The following ZNF518B variants were observed in gnomAD, a reference collection of about 807,000 sequenced individuals.
ZNF518B encodes the protein zinc finger protein 518B.
Under a neutral mutation model 56.3 loss-of-function variants are expected in ZNF518B, and 23 were observed. The ratio of observed to expected loss-of-function variants is 0.41; its 90% confidence interval spans 0.29 to 0.58. The LOEUF (loss-of-function observed/expected upper bound fraction) is 0.58. Among genes scored for constraint, ZNF518B ranks in the 20% least tolerant of loss-of-function variants. The pLI is 0.32. For missense variants in ZNF518B, 1,460 were observed against 1,272.1 expected, an observed-to-expected ratio of 1.15 and a Z score of -2.25; for synonymous variants, 529 against 465.9, an observed-to-expected ratio of 1.14 and a Z score of -1.74.
chr4:10,444,928 AT>A lies in ZNF518B; in HGVS notation c.1400del (p.Asn467IlefsTer15), dbSNP rs1268436533. 6.2e-7 allele frequency: 1 copy of A among 1,610,614 alleles called. No homozygotes were observed. Among genetic ancestry groups the A allele is most frequent in the African/African-American group, 1.3e-5 (1 of 74,502 alleles). On this transcript the variant is annotated frameshift_variant, in exon 3 of 3. Transcript: ENST00000326756. LOFTEE classifies it high-confidence loss of function. ...SETIEDFQKKNNLYPHRTAFP... is the reference protein window; with the variant it reads ...SETIEDFQKKXNLYPHRTAFP... ...AAGCAGTTCTATGTGGATACAAATT[AT>A]TTTTTTTCTGAAAATCCTCAATTGT...
rs765927283 is a variant in ZNF518B at position 10,441,916 on chromosome 4, G to A, written c.*1188C>T. On this transcript the variant is annotated 3_prime_UTR_variant, in exon 3 of 3. Transcript: ENST00000326756. ...TTACTATCAATGAAAACTAGGGATC[G>A]TGTTCCTGTAACTTTAGCAAAAACA... 6.6e-6 allele frequency: 1 copy of A among 152,184 alleles called. No individual in the cohort carries two copies. The highest frequency in any genetic ancestry group is 2.1e-4 in the South Asian group (1 of 4,826). 9.4% of individuals were successfully genotyped at this position (152,184 alleles called of 1,614,324 possible). A position where few individuals can be genotyped will look rare whatever the true frequency, so the allele number is the denominator to read the frequency against.
At chr4:10,448,287 TGGCAACACAG>T (rs1216394990) in intron 2 of ZNF518B, among the ~76,000 whole-genome samples, 1 of 152,104 alleles carries the variant, frequency 6.6e-6, no homozygotes, top group African/African-American at 2.4e-5. Flanking sequence ...CAATGATGGG[TGGCAACACAG>T]GTAGCTTCCT....
intron 2 of ZNF518B, 31 bp from the exon 3 acceptor site, chr4:10,446,570 T>G: frequency 2.2e-6 from 1 of 454,760 alleles, no homozygotes; most frequent in East Asian, 3.3e-5. Flanking sequence ...AAAGCATGAT[T>G]AATATAAGAG....
At position 10,444,361 on chromosome 4, in the gene ZNF518B, C is replaced by A; in HGVS notation, c.1968G>T (p.Thr656=). ...VPEGIKWNSS[T]SKIKSIELLR... ...ACAGTTCAATTGACTTTATTTTAGA[C>A]GTTGAGCTATTCCACTTAATGCCCT... is the stretch of plus-strand genomic sequence containing the variant. Residue 656 remains threonine, a synonymous_variant, in exon 3 of 3, where the codon ACG becomes ACT. Transcript: ENST00000326756. The A allele has an allele frequency of 6.2e-7, 1 of 1,614,158 alleles. No homozygotes were observed. Among genetic ancestry groups the A allele is most frequent in the South Asian group, 1.1e-5 (1 of 91,084 alleles).
At chr4:10,454,052 C>T (rs1427333351) in intron 2 of ZNF518B, 2 of 152,246 alleles carry the variant, frequency 1.3e-5, no homozygotes, top group Non-Finnish European at 1.5e-5. Context: ...TTCTCATATG[C>T]AGCTATGCAG....
intron 2 of ZNF518B, chr4:10,453,305 C>G (rs1715400490): frequency 6.6e-6 from 1 of 152,108 alleles, no homozygotes; most frequent in Non-Finnish European, 1.5e-5. Flanking sequence ...GAAGCAGACA[C>G]TGGTTAGCTT....
rs764383680 is a variant in ZNF518B, at chr4:10,444,051, C to G, written c.2278G>C (p.Val760Leu). The G allele has an allele frequency of 2.5e-6, 4 of 1,614,228 alleles. No individual in the cohort carries two copies. Among genetic ancestry groups the G allele is most frequent in the Non-Finnish European group, 3.4e-6 (4 of 1,180,040 alleles). ...GTGGCAACATGAGCCTTCCTGGCCA[C>G]TCTGCTTTTGGTTTTCCTATTACTG... Reference protein sequence around the residue: ...DGSNRKTKSRVARKAHVATPV... With the variant: ...DGSNRKTKSRLARKAHVATPV... Residue 760 changes from valine (V) to leucine (L), a missense_variant, in exon 3 of 3, where the codon GTG becomes CTG. Transcript: ENST00000326756.
At chr4:10,456,898 G>A (rs1715559668) in intron 1 of ZNF518B, among the ~76,000 whole-genome samples, 1 of 151,804 alleles carries the variant, frequency 6.6e-6, no homozygotes, top group South Asian at 2.1e-4. Context: ...GCGCAGGCCG[G>A]GCCAGCGGCG....
Position 10,445,532 on chromosome 4 carries a change from T to G in ZNF518B, c.797A>C (p.His266Pro). 1 of 1,614,222 alleles carries G rather than the reference T, an allele frequency of 6.2e-7. No individual in the cohort carries two copies. Among genetic ancestry groups the G allele is most frequent in the Non-Finnish European group, 8.5e-7 (1 of 1,180,032 alleles). ...ATTGTGCATTTTGTCTTTATTTGCA[T>G]GGAGAGAGAAACCTGACAGTTGGTC... Reference protein sequence around the residue: ...WSDQLSGFSLHANKDKMHNIM... With the variant: ...WSDQLSGFSLPANKDKMHNIM... Residue 266 changes from histidine (H) to proline (P), a missense_variant, in exon 3 of 3, where the codon CAT (histidine) becomes CCT (proline). Physicochemically the swap from His to Pro is moderately conservative, Grantham distance 77 (BLOSUM62 -2). Transcript: ENST00000326756.
chr4:10,458,156 G>C (rs1215280200), upstream of ZNF518B, among the ~76,000 whole-genome samples: 2 of 152,184 alleles, frequency 1.3e-5, no homozygotes, highest in African/African-American at 4.8e-5. Context: ...CCGGAAGGAA[G>C]ACATATTTAG....
At position 10,443,114 on chromosome 4, in the gene ZNF518B, T is replaced by C. The variant is rs1000503843; in HGVS notation, c.3215A>G (p.Lys1072Arg). The change falls in exon 3 of 3, where the codon AAG (lysine) becomes AGG (arginine). Residue 1072 changes from lysine (K) to arginine (R), a missense_variant. Physicochemically the swap from Lys to Arg is conservative, Grantham distance 26. Transcript: ENST00000326756. Reference protein sequence around the residue: ...ATRDWDVLSSKGK With the variant: ...ATRDWDVLSSRGK ...AGAGTAACTGTTTACTTATTTGCCC[T>C]TGGAGGAAAGAACATCCCAATCTCT... 42 of 1,611,488 alleles carry C rather than the reference T, an allele frequency of 2.6e-5. No individual in the cohort carries two copies. Among genetic ancestry groups the C allele is most frequent in the Non-Finnish European group, 3.6e-5 (42 of 1,178,662 alleles).
At chr4:10,446,846 G>A (rs1715080551) in intron 2 of ZNF518B, among the ~76,000 whole-genome samples, 1 of 152,190 alleles carries the variant, frequency 6.6e-6, no homozygotes, top group Non-Finnish European at 1.5e-5. Context: ...ATTTTCAAGT[G>A]TCAGTGAGCA....
chr4:10,444,102 G>A lies in ZNF518B; in HGVS notation c.2227C>T (p.Gln743Ter). Residue 743 changes from glutamine (Q) to a stop codon, truncating the protein, a stop_gained, in exon 3 of 3, where the codon CAA becomes TAA. Coordinates refer to ENST00000326756, the MANE Select transcript of ZNF518B (RefSeq NM_053042.3). LOFTEE classifies it high-confidence loss of function. ...ITGNRQLTHQ[Q>*]IYPHFADGSN... ...CCATCTGCAAAGTGTGGATATATTT[G>A]TTGATGAGTAAGCTGTCTATTACCA... The A allele has an allele frequency of 6.2e-7, 1 of 1,614,208 alleles. No homozygotes were observed. Among genetic ancestry groups the A allele is most frequent in the African/African-American group, 1.3e-5 (1 of 75,042 alleles).
chr4:10,449,004 C>T (rs1211946911), intron 2 of ZNF518B, among the ~76,000 whole-genome samples: 2 of 152,108 alleles, frequency 1.3e-5, no homozygotes, highest in Non-Finnish European at 2.9e-5. Flanking sequence ...ATGCCCAGTC[C>T]GACACTGCTG....
chr4:10,457,635 C>T (rs769418102), upstream of ZNF518B, among the ~76,000 whole-genome samples: 1 of 152,212 alleles, frequency 6.6e-6, no homozygotes, highest in Admixed American at 6.5e-5. Flanking sequence ...TTAGCCATGC[C>T]GCAGGCAAAA....
intron 2 of ZNF518B, chr4:10,453,689 C>A (rs190553926): frequency 1.3e-5 from 2 of 152,092 alleles, no homozygotes; most frequent in African/African-American, 4.8e-5. Context: ...CAAATGACTC[C>A]GGGTCTCTGA....
chr4:10,443,271 T>A lies in ZNF518B; in HGVS notation c.3058A>T (p.Asn1020Tyr), dbSNP rs1380776348. The change falls in exon 3 of 3, where the codon AAC (asparagine) becomes TAC (tyrosine). Residue 1020 changes from asparagine (N) to tyrosine (Y), a missense_variant. Physicochemically the swap from Asn to Tyr is moderately radical, Grantham distance 143. Transcript: ENST00000326756. ...KMKLKKVHKN[N>Y]YQVVDSLPDD... ...GGCAAGGAATCCACTACCTGGTAGT[T>A]GTTTTTATGAACTTTTTTGAGTTTC... 2.5e-6 allele frequency: 4 copies of A among 1,614,236 alleles called. No individual in the cohort carries two copies. Among genetic ancestry groups the A allele is most frequent in the Admixed American group, 1.7e-5 (1 of 60,026 alleles).
intron 2 of ZNF518B, chr4:10,451,295 A>G (rs1715301353): frequency 6.6e-6 from 1 of 152,244 alleles, no homozygotes; most frequent in African/African-American, 2.4e-5. Flanking sequence ...TTTGACTTCT[A>G]AATACTGGAA....
In ZNF518B at chr4:10,445,661, T is replaced by C. The variant is rs958892090; in HGVS notation, c.668A>G (p.Lys223Arg). Reference sequence around the variant, plus strand: ...TTTTGGCTCCAGCTTGGCAACAGCTTTGACTGGCCGTTTCGCACCTGCCCT... The same window carrying C: ...TTTTGGCTCCAGCTTGGCAACAGCTCTGACTGGCCGTTTCGCACCTGCCCT... ...HERAGAKRPV[K>R]AVAKLEPKRT... The change falls in exon 3 of 3, where the codon AAA becomes AGA. Residue 223 changes from lysine (K) to arginine (R), a missense_variant. Physicochemically the swap from Lys to Arg is conservative, Grantham distance 26. Coordinates refer to ENST00000326756, the MANE Select transcript of ZNF518B (RefSeq NM_053042.3). 3 of 1,614,072 alleles carry C rather than the reference T, an allele frequency of 1.9e-6. No homozygotes were observed. The highest frequency in any genetic ancestry group is 2.7e-5 in the African/African-American group (2 of 74,922).
Sources: gnomAD v4.1 joint callset for allele counts (sites outside exome capture counted in the v4.1 genomes callset) on GRCh38, gnomAD v4.1.1 for gene constraint, MANE v1.5 for transcripts, NCBI Gene and HGNC (gene_info 2026-07-23, HGNC 2026-07-21) for gene names.